Variants in GALNTL6 observed in about 807,000 individuals in gnomAD.
The protein encoded by GALNTL6 is polypeptide N-acetylgalactosaminyltransferase like 6, also known as polypeptide N-acetylgalactosaminyltransferase-like 6.
In GALNTL6, 46 loss-of-function variants were observed where a neutral mutation model predicts 73.7. The observed-to-expected ratio is 0.62, with a 90% CI of 0.49 to 0.80. The LOEUF is 0.80. Ranked by LOEUF, GALNTL6 falls within the 30% of genes least tolerant of loss-of-function variation. The pLI, the probability that GALNTL6 is intolerant of heterozygous loss-of-function variation, is 0.00. For missense variants in GALNTL6, 604 were observed against 755.0 expected (o/e 0.80, Z 2.34); for synonymous variants, 259 against 263.7 (o/e 0.98, Z 0.17).
At chr4:171,989,554 G>GA (rs1485841738) in intron 2 of GALNTL6, among the ~76,000 whole-genome samples, 1 of 152,186 alleles carries the variant, frequency 6.6e-6, no homozygotes. Flanking sequence ...CAGGTGTTTG[G>GA]AGTTCTTGTG....
intron 2 of GALNTL6, among the ~76,000 whole-genome samples, chr4:172,156,851 A>G (rs2110778731): frequency 6.6e-6 from 1 of 152,054 alleles, no homozygotes; most frequent in South Asian, 2.1e-4. Flanking sequence ...AAAGATCATG[A>G]TCTGGAATTG....
chr4:172,777,147 C>T (rs1213280807), intron 5 of GALNTL6, among the ~76,000 whole-genome samples: 1 of 152,150 alleles, frequency 6.6e-6, no homozygotes, highest in African/African-American at 2.4e-5. Context: ...CCCCATAAAT[C>T]TATACAACTA....
chr4:172,378,590 G>GT (rs1743138980), intron 5 of GALNTL6, among the ~76,000 whole-genome samples: 1 of 151,764 alleles, frequency 6.6e-6, no homozygotes, highest in South Asian at 2.1e-4. Context: ...TGGTTTTGTT[G>GT]TTTTTTAAAA....
intron 5 of GALNTL6, among the ~76,000 whole-genome samples, chr4:172,625,913 C>T (rs1463734227): frequency 6.6e-6 from 1 of 151,816 alleles, no homozygotes; most frequent in Non-Finnish European, 1.5e-5. Flanking sequence ...AGATTCTAGA[C>T]ATTAGACCTT....
intron 5 of GALNTL6, among the ~76,000 whole-genome samples, chr4:172,470,429 C>T (rs934288549): frequency 6.6e-6 from 1 of 152,130 alleles, no homozygotes; most frequent in Non-Finnish European, 1.5e-5. Context: ...GTATTTTATA[C>T]CATCTGCCAT....
intron 2 of GALNTL6, among the ~76,000 whole-genome samples, chr4:171,823,569 GTA>G (rs1224406814): frequency 4.6e-5 from 5 of 107,764 alleles, no homozygotes; most frequent in South Asian, 5.8e-4. Flanking sequence ...ATATATATAT[GTA>G]TATATATATA....
chr4:172,610,111 G>T (rs1299311068), intron 5 of GALNTL6, among the ~76,000 whole-genome samples: 2 of 151,840 alleles, frequency 1.3e-5, no homozygotes. Flanking sequence ...CTATCTAGCA[G>T]TCTATTCTAT....
intron 2 of GALNTL6, among the ~76,000 whole-genome samples, chr4:172,075,584 C>T (rs1731678476): frequency 1.3e-5 from 2 of 152,272 alleles, no homozygotes; most frequent in African/African-American, 2.4e-5. Context: ...ATCTGCCCGC[C>T]TCGGCCTCCC....
chr4:172,501,017 A>G (rs1010661648), intron 5 of GALNTL6, among the ~76,000 whole-genome samples: 7 of 152,234 alleles, frequency 4.6e-5, no homozygotes, highest in African/African-American at 1.7e-4. Context: ...ACTGTCCTAT[A>G]TCTTGACTGT....
At chr4:172,543,083 G>A (rs993084472) in intron 5 of GALNTL6, among the ~76,000 whole-genome samples, 1 of 114,642 alleles carries the variant, frequency 8.7e-6, no homozygotes, top group Non-Finnish European at 1.8e-5. Context: ...GTGACAGAGC[G>A]AGACTCCATC....
chr4:172,095,458 G>T (rs1308942416), intron 2 of GALNTL6, among the ~76,000 whole-genome samples: 1 of 152,200 alleles, frequency 6.6e-6, no homozygotes, highest in African/African-American at 2.4e-5. Flanking sequence ...AAAAAGCACA[G>T]TTGGGGATAT....
At chr4:171,831,620 G>T (rs758454737) in intron 2 of GALNTL6, among the ~76,000 whole-genome samples, 1 of 151,876 alleles carries the variant, frequency 6.6e-6, no homozygotes. Context: ...TTCAATAAAA[G>T]AAGGTTTATT....
At chr4:171,814,214 T>C (rs1445810880) in intron 1 of GALNTL6, among the ~76,000 whole-genome samples, 198 bp from the exon 2 acceptor site, 1 of 152,154 alleles carries the variant, frequency 6.6e-6, no homozygotes, top group Non-Finnish European at 1.5e-5. Context: ...CCCAGTTACC[T>C]AAGTATCTAG....
At chr4:172,469,170 G>GT (rs1732946485) in intron 5 of GALNTL6, among the ~76,000 whole-genome samples, 1 of 152,144 alleles carries the variant, frequency 6.6e-6, no homozygotes, top group South Asian at 2.1e-4. Context: ...AGATTAAAGG[G>GT]TATGGTTACA....
chr4:172,168,735 G>A (rs1734716052), intron 2 of GALNTL6, among the ~76,000 whole-genome samples: 1 of 152,154 alleles, frequency 6.6e-6, no homozygotes, highest in Non-Finnish European at 1.5e-5. Flanking sequence ...TCAAGAAGAT[G>A]AGGATGCCTC....
intron 5 of GALNTL6, among the ~76,000 whole-genome samples, chr4:172,547,253 C>A (rs974476074): frequency 2.0e-5 from 3 of 151,958 alleles, no homozygotes; most frequent in African/African-American, 7.3e-5. Context: ...CATCATAGCA[C>A]CAGAATGGAA....
At chr4:172,526,473 C>T (rs899606350) in intron 5 of GALNTL6, among the ~76,000 whole-genome samples, 5 of 152,132 alleles carry the variant, frequency 3.3e-5, no homozygotes, top group African/African-American at 9.7e-5. Flanking sequence ...GCAGTCAACT[C>T]CAGTCTTTAC....
intron 10 of GALNTL6, among the ~76,000 whole-genome samples, chr4:172,979,602 A>G (rs1203146336): frequency 1.3e-5 from 2 of 152,134 alleles, no homozygotes; most frequent in African/African-American, 2.4e-5. Context: ...GTGAACTATA[A>G]AATTGCTTAT....
chr4:172,942,451 A>G (rs746842764), intron 9 of GALNTL6, among the ~76,000 whole-genome samples: 2 of 152,182 alleles, frequency 1.3e-5, no homozygotes, highest in Non-Finnish European at 2.9e-5. Flanking sequence ...GTGATTTTTT[A>G]AAAATATCAA....
Sources: allele counts gnomAD v4.1 joint callset (sites outside exome capture counted in the v4.1 genomes callset), GRCh38; gene constraint gnomAD v4.1.1; transcripts MANE v1.5; gene names NCBI Gene and HGNC (gene_info 2026-07-23, HGNC 2026-07-21).